Variants in FIRRM observed in about 807,000 individuals in gnomAD.
FIRRM encodes FIGNL1-interacting regulator of recombination and mitosis.
chr1:169,832,753 A>T, the FIRRM span, among the ~76,000 whole-genome samples: 1 of 151,788 alleles, frequency 6.6e-6, no homozygotes. Flanking sequence ...ACAGGCACAC[A>T]CCACTACGCC....
At chr1:169,821,421 CTT>C in the FIRRM span, among the ~76,000 whole-genome samples, 8 of 152,238 alleles carry the variant, frequency 5.3e-5, no homozygotes, top group South Asian at 1.2e-3. Flanking sequence ...AGGATCACCT[CTT>C]TTGCTATCGT....
the FIRRM span, among the ~76,000 whole-genome samples, chr1:169,813,487 TCTA>T: frequency 6.6e-6 from 1 of 152,224 alleles, no homozygotes; most frequent in Non-Finnish European, 1.5e-5. Flanking sequence ...CCTATTTTCG[TCTA>T]CTAGAAAGAA....
chr1:169,798,854 TAGG>T, the FIRRM span: 2 of 951,140 alleles, frequency 2.1e-6, no homozygotes, highest in African/African-American at 1.7e-5. Context: ...ATTTTTTTTT[TAGG>T]TTTGTTCTGA....
At chr1:169,847,097 A>G in the FIRRM span, among the ~76,000 whole-genome samples, 9 of 152,166 alleles carry the variant, frequency 5.9e-5, no homozygotes, top group Non-Finnish European at 1.2e-4. Flanking sequence ...ACAATTTATT[A>G]TATTTGCCAT....
chr1:169,787,838 AACGTGATGTATGTTAC>A, the FIRRM span, among the ~76,000 whole-genome samples: 2 of 152,162 alleles, frequency 1.3e-5, no homozygotes, highest in South Asian at 2.1e-4. Context: ...AGCCCCCTGT[AACGTGATGTATGTTAC>A]ATGTGATGTA....
At chr1:169,845,804 C>T in the FIRRM span, among the ~76,000 whole-genome samples, 2 of 152,180 alleles carry the variant, frequency 1.3e-5, no homozygotes, top group East Asian at 3.8e-4. Context: ...CTTGAACCCC[C>T]CAAAGTCATC....
chr1:169,791,224 G>C, the FIRRM span, among the ~76,000 whole-genome samples: 4 of 152,218 alleles, frequency 2.6e-5, no homozygotes, highest in Admixed American at 6.5e-5. Flanking sequence ...TCTGGCTGCT[G>C]CATGTCTTCT....
At chr1:169,820,581 C>G in the FIRRM span, among the ~76,000 whole-genome samples, 43 of 152,136 alleles carry the variant, frequency 2.8e-4, no homozygotes, top group Admixed American at 2.8e-3. Context: ...TAAGTTGGGC[C>G]GCAAACCAAA....
At chr1:169,829,184 C>A in the FIRRM span, 1 of 1,249,720 alleles carries the variant, frequency 8.0e-7, no homozygotes, top group Non-Finnish European at 1.1e-6. Flanking sequence ...AACAACCTTC[C>A]ATGTTACATA....
At chr1:169,851,800 T>G in the FIRRM span, 1 of 1,611,068 alleles carries the variant, frequency 6.2e-7, no homozygotes, top group Non-Finnish European at 8.5e-7. Context: ...TGCTTGGTTT[T>G]TCATGGTCCC....
the FIRRM span, among the ~76,000 whole-genome samples, chr1:169,799,491 G>A: frequency 6.6e-6 from 1 of 152,166 alleles, no homozygotes; most frequent in Non-Finnish European, 1.5e-5. Flanking sequence ...TCTATTTAGA[G>A]TTCACTTGGT....
the FIRRM span, chr1:169,842,596 G>C: frequency 6.3e-7 from 1 of 1,581,142 alleles, no homozygotes; most frequent in South Asian, 1.2e-5. Context: ...CAAAAAAAGA[G>C]GATTGTACTG....
At chr1:169,804,106 A>G in the FIRRM span, 1 of 1,533,922 alleles carries the variant, frequency 6.5e-7, no homozygotes, top group South Asian at 1.3e-5. Context: ...GGGTGTTTAC[A>G]CCTAGTTTCA....
the FIRRM span, among the ~76,000 whole-genome samples, chr1:169,812,166 A>G: frequency 6.6e-6 from 1 of 152,220 alleles, no homozygotes; most frequent in South Asian, 2.1e-4. Flanking sequence ...TAATGAAGTA[A>G]AGCTAGAGGC....
chr1:169,806,092 AGTTT>A, the FIRRM span: 59 of 1,548,420 alleles, frequency 3.8e-5, no homozygotes, highest in Middle Eastern at 5.1e-4. Context: ...TAATTAAGTA[AGTTT>A]GTTTGTTATT....
At chr1:169,800,929 C>A in the FIRRM span, 1 of 1,598,844 alleles carries the variant, frequency 6.3e-7, no homozygotes, top group Non-Finnish European at 8.5e-7. Context: ...ATATGAACCA[C>A]CTGACATTGG....
chr1:169,796,598 G>A, the FIRRM span, among the ~76,000 whole-genome samples: 1 of 152,154 alleles, frequency 6.6e-6, no homozygotes, highest in Non-Finnish European at 1.5e-5. Context: ...CTACCACTCT[G>A]ATTCCAAACC....
At chr1:169,797,325 G>A in the FIRRM span, among the ~76,000 whole-genome samples, 3 of 152,114 alleles carry the variant, frequency 2.0e-5, no homozygotes, top group South Asian at 2.1e-4. Context: ...TGCATTTTAC[G>A]TATTATTTTC....
the FIRRM span, among the ~76,000 whole-genome samples, chr1:169,849,158 G>C: frequency 6.6e-6 from 1 of 152,218 alleles, no homozygotes; most frequent in Admixed American, 6.5e-5. Context: ...GGGATATATA[G>C]TTAGTGAAGT....
Sources: allele counts gnomAD v4.1 joint callset (sites outside exome capture counted in the v4.1 genomes callset), GRCh38; gene constraint gnomAD v4.1.1; transcripts MANE v1.5; gene names NCBI Gene and HGNC (gene_info 2026-07-23, HGNC 2026-07-21).